The following FOXP2 variants were observed in gnomAD, a reference collection of about 807,000 sequenced individuals.
FOXP2 encodes forkhead box protein P2.
FOXP2 carries 12 observed loss-of-function variants against 115.8 expected under a neutral mutation model. The observed-to-expected ratio is 0.10, with a 90% CI of 0.07 to 0.17. The LOEUF is 0.17. FOXP2 is among the 10% of genes least tolerant of loss of function. The probability of loss-of-function intolerance (pLI) is 1.00; values close to 1 mark genes in which losing one functional copy is unlikely to be tolerated. For synonymous variants in FOXP2, 328 were observed against 297.7 expected (o/e 1.10, Z -1.05); for missense variants, 629 against 843.5 (o/e 0.75, Z 3.15).
intron 2 of FOXP2, among the ~76,000 whole-genome samples, chr7:114,508,564 C>A (rs1246247981): frequency 6.6e-6 from 1 of 151,852 alleles, no homozygotes; most frequent in Non-Finnish European, 1.5e-5. Context: ...TTAGGGATAC[C>A]AATTAAGGAG....
At chr7:114,161,113 C>T (rs1792818291), upstream of FOXP2, among the ~76,000 whole-genome samples, 1 of 152,168 alleles carries the variant, frequency 6.6e-6, no homozygotes, top group Admixed American at 6.5e-5. Flanking sequence ...GTTCTGGAAA[C>T]TAAAGCAGAA....
At chr7:114,661,971 C>T (rs1311929448) in intron 13 of FOXP2, 94 bp from the exon 14 acceptor site, 17 of 1,482,332 alleles carry the variant, frequency 1.1e-5, no homozygotes, top group African/African-American at 4.2e-5. Context: ...AGATTTTTCA[C>T]TCTGATTAAG....
At chr7:114,689,687 T>C in intron 16 of FOXP2, 95 bp from the exon 17 acceptor site, 1 of 1,246,856 alleles carries the variant, frequency 8.0e-7, no homozygotes, top group Non-Finnish European at 1.2e-6. Flanking sequence ...TTGTGTCTTC[T>C]TGCCTTTTTT....
chr7:114,375,050 A>G (rs1770705983), intron 2 of FOXP2, among the ~76,000 whole-genome samples: 1 of 152,160 alleles, frequency 6.6e-6, no homozygotes, highest in Non-Finnish European at 1.5e-5. Context: ...GTTATATTTT[A>G]TGCTTTAGTG....
chr7:114,591,322 A>G (rs1187318689), intron 3 of FOXP2, among the ~76,000 whole-genome samples: 1 of 152,184 alleles, frequency 6.6e-6, no homozygotes, highest in Non-Finnish European at 1.5e-5. Flanking sequence ...CAATCTAGTT[A>G]TCCTTGATCA....
intron 1 of FOXP2, among the ~76,000 whole-genome samples, chr7:114,143,194 T>C (rs1198718674): frequency 2.0e-5 from 3 of 149,752 alleles, no homozygotes; most frequent in Non-Finnish European, 4.4e-5. Flanking sequence ...AATAGCCTAC[T>C]TCCAACTTGT....
intron 3 of FOXP2, among the ~76,000 whole-genome samples, chr7:114,549,304 G>A (rs1206341149): frequency 6.6e-6 from 1 of 152,116 alleles, no homozygotes; most frequent in Non-Finnish European, 1.5e-5. Flanking sequence ...CAAGTACCTA[G>A]GGTCAAACTT....
intron 1 of FOXP2, among the ~76,000 whole-genome samples, chr7:114,188,947 A>G (rs1347814325): frequency 2.0e-5 from 3 of 152,212 alleles, no homozygotes; most frequent in African/African-American, 7.2e-5. Flanking sequence ...AACAACCATA[A>G]CATTTAAATT....
chr7:114,621,032 C>T (rs2129323318), intron 3 of FOXP2, among the ~76,000 whole-genome samples: 1 of 151,956 alleles, frequency 6.6e-6, no homozygotes, highest in East Asian at 1.9e-4. Context: ...CTTTGACAGC[C>T]CATAAGTGTT....
At chr7:114,635,827 GA>G (rs1181811500) in intron 6 of FOXP2, among the ~76,000 whole-genome samples, 4 of 152,050 alleles carry the variant, frequency 2.6e-5, no homozygotes, top group African/African-American at 4.8e-5. Flanking sequence ...AAAATATGAT[GA>G]GAAAAAGGAA....
At chr7:114,448,458 G>T (rs1174216757) in intron 2 of FOXP2, among the ~76,000 whole-genome samples, 1 of 152,060 alleles carries the variant, frequency 6.6e-6, no homozygotes, top group African/African-American at 2.4e-5. Flanking sequence ...TATAGTAAAT[G>T]TAATAAAGTT....
At chr7:114,143,381 T>C (rs141215311) in intron 1 of FOXP2, among the ~76,000 whole-genome samples, 1 of 152,076 alleles carries the variant, frequency 6.6e-6, no homozygotes, top group Non-Finnish European at 1.5e-5. Context: ...AATTTGCCCT[T>C]GCTCCTAAAA....
intron 1 of FOXP2, among the ~76,000 whole-genome samples, chr7:114,146,540 A>T (rs1337043736): frequency 2.0e-5 from 3 of 152,212 alleles, no homozygotes; most frequent in Non-Finnish European, 4.4e-5. Flanking sequence ...AAAAGAAAGG[A>T]GAGAGATCAG....
At chr7:114,171,397 ACCT>A (rs1288332883) in intron 1 of FOXP2, among the ~76,000 whole-genome samples, 1 of 152,022 alleles carries the variant, frequency 6.6e-6, no homozygotes, top group African/African-American at 2.4e-5. Flanking sequence ...ACATAACGAG[ACCT>A]CATCTCTGCA....
At chr7:114,170,141 AC>A (rs1195473041) in intron 1 of FOXP2, among the ~76,000 whole-genome samples, 1 of 152,154 alleles carries the variant, frequency 6.6e-6, no homozygotes, top group Non-Finnish European at 1.5e-5. Flanking sequence ...AATATATGAA[AC>A]TTTTCATGTT....
At chr7:114,162,509 AT>A (rs1792868006), upstream of FOXP2, among the ~76,000 whole-genome samples, 1 of 152,018 alleles carries the variant, frequency 6.6e-6, no homozygotes, top group South Asian at 2.1e-4. Flanking sequence ...TTTTAAAAAC[AT>A]TTTTTCCTTT....
intron 2 of FOXP2, among the ~76,000 whole-genome samples, chr7:114,344,171 C>T (rs1384240034): frequency 6.6e-6 from 1 of 151,658 alleles, no homozygotes; most frequent in African/African-American, 2.4e-5. Flanking sequence ...ATGTTGATTA[C>T]ACAAGATACG....
At chr7:114,377,468 C>T (rs1358497728) in intron 2 of FOXP2, among the ~76,000 whole-genome samples, 1 of 152,080 alleles carries the variant, frequency 6.6e-6, no homozygotes, top group Non-Finnish European at 1.5e-5. Context: ...CTCCATCTAC[C>T]CATTGGGGGC....
intron 3 of FOXP2, among the ~76,000 whole-genome samples, chr7:114,544,276 AG>A (rs1164299750): frequency 2.0e-5 from 3 of 152,130 alleles, no homozygotes; most frequent in Non-Finnish European, 2.9e-5. Context: ...AGTTTGGTTC[AG>A]GGATTCTGAA....
Sources: gnomAD v4.1 joint callset for allele counts (sites outside exome capture counted in the v4.1 genomes callset) on GRCh38, gnomAD v4.1.1 for gene constraint, MANE v1.5 for transcripts, NCBI Gene and HGNC (gene_info 2026-07-23, HGNC 2026-07-21) for gene names.